Variants in CELF2 observed in about 807,000 individuals in gnomAD.
CELF2 encodes the protein CUG triplet repeat RNA-binding protein 2.
CELF2 carries 8 observed loss-of-function variants against 62.6 expected under a neutral mutation model. The observed-to-expected ratio is 0.13, with a 90% confidence interval of 0.07 to 0.23. The LOEUF is 0.23. Ranked by LOEUF, CELF2 falls within the 10% of genes least tolerant of loss-of-function variation. The pLI is 1.00. For synonymous variants in CELF2, 258 were observed against 250.0 expected (o/e 1.03, Z -0.30); for missense variants, 333 against 671.0 (o/e 0.50, Z 5.56).
intron 8 of CELF2, among the ~76,000 whole-genome samples, chr10:11,276,119 A>G (rs2085994973): frequency 6.6e-6 from 1 of 152,020 alleles, no homozygotes; most frequent in Non-Finnish European, 1.5e-5. Flanking sequence ...TCTTTTTTTA[A>G]ATATGTATCC....
At chr10:11,262,132 T>G (rs2080838699) in intron 5 of CELF2, among the ~76,000 whole-genome samples, 1 of 152,200 alleles carries the variant, frequency 6.6e-6, no homozygotes, top group Non-Finnish European at 1.5e-5. Context: ...TTTATGGTGT[T>G]CCAACATTCC....
At position 11,051,480 on chromosome 10, in the gene CELF2, C is replaced by A. The variant is rs910152950; in HGVS notation, c.74+33317C>A. On this transcript the variant is annotated intron_variant, in intron 1 of 12. Transcript: ENST00000633077. ...GGCTTACATAAACTGTACCAACAAC[C>A]TAAACAGCCCATGTTTATAAAACTC... Among the ~76,000 whole-genome samples the A allele has an allele frequency of 6.6e-5, 10 of 152,316 alleles. No individual in the cohort carries two copies. In the East Asian group the frequency reaches 1.5e-3, roughly 24 times the overall value.
At position 11,224,101 on chromosome 10, in the gene CELF2, C is replaced by A. The variant is rs370916483; in HGVS notation, c.354+6594C>A. 1.3e-5 allele frequency among the ~76,000 whole-genome samples: 2 copies of A among 152,184 alleles called. No individual in the cohort carries two copies. The highest frequency in any genetic ancestry group is 2.9e-5 in the Non-Finnish European group (2 of 68,036). ...GTACGAGAGAAAATGTATGAGGATTCTTCAGTGGTGCAAAGTTGAAAATGC... is the reference window on the plus strand; with the variant it reads ...GTACGAGAGAAAATGTATGAGGATTATTCAGTGGTGCAAAGTTGAAAATGC... On this transcript the variant is annotated intron_variant, in intron 3 of 12. Coordinates refer to ENST00000633077, the MANE Select transcript of CELF2 (RefSeq NM_001326342.2). This position sits in a 1 kb window ranked among gnomAD's most constrained non-coding sequence, Gnocchi z 4.5.
rs76546369 is a variant in CELF2, at chr10:11,270,257, C to T, written c.619-409C>T. On this transcript the variant is annotated intron_variant, in intron 6 of 12. Transcript: ENST00000633077. This position sits in a 1 kb window ranked among gnomAD's most constrained non-coding sequence, Gnocchi z 5.8. Reference sequence around the variant, plus strand: ...TCCCGTTACAGATTCTCCCCTTTGTCCTCTGTCCACCTGTGGACACGGGCA... The same window carrying T: ...TCCCGTTACAGATTCTCCCCTTTGTTCTCTGTCCACCTGTGGACACGGGCA... 1.2e-3 allele frequency among the ~76,000 whole-genome samples: 178 copies of T among 152,324 alleles called. 3 individuals are homozygous for T. The East Asian group carries it at 0.031, about 26-fold the overall frequency.
intron 8 of CELF2, among the ~76,000 whole-genome samples, chr10:11,286,499 T>C (rs1459020690): frequency 2.0e-5 from 3 of 152,246 alleles, no homozygotes; most frequent in Admixed American, 2.0e-4. Context: ...ACAGCCTTGG[T>C]GCTCCCTCAC....
At chr10:10,862,076 T>C (rs377698741) in intron 1 of CELF2, among the ~76,000 whole-genome samples, 45 of 152,284 alleles carry the variant, frequency 3.0e-4, no homozygotes, top group African/African-American at 9.4e-4. Flanking sequence ...TAAACTTCTT[T>C]AGAAATATTA....
chr10:10,707,707 C>T, the CELF2 span, among the ~76,000 whole-genome samples: 1 of 152,320 alleles, frequency 6.6e-6, no homozygotes, highest in African/African-American at 2.4e-5. Context: ...CATTGGGTGG[C>T]AGGGCTGAAC....
At chr10:10,898,142 T>C (rs761777673) in intron 1 of CELF2, among the ~76,000 whole-genome samples, 1 of 152,216 alleles carries the variant, frequency 6.6e-6, no homozygotes, top group Non-Finnish European at 1.5e-5. Context: ...GAAAGTCTAC[T>C]GTATGCCTGA....
In CELF2 at chr10:11,217,154, C is replaced by T. The variant is rs962393039; in HGVS notation, c.272-271C>T. ...TCACATCTCACCCATTCCTCCACCA[C>T]CTCCCACCCTCATTCTTGAATAGCT... On this transcript the variant is annotated intron_variant, in intron 2 of 12. Coordinates refer to ENST00000633077, the MANE Select transcript of CELF2 (RefSeq NM_001326342.2). This position sits in a 1 kb window ranked among gnomAD's most constrained non-coding sequence, Gnocchi z 5.6. 1.3e-5 allele frequency among the ~76,000 whole-genome samples: 2 copies of T among 152,228 alleles called. No individual in the cohort carries two copies. The highest frequency in any genetic ancestry group is 2.9e-5 in the Non-Finnish European group (2 of 68,034).
chr10:10,666,174 G>T, the CELF2 span, among the ~76,000 whole-genome samples: 3 of 152,066 alleles, frequency 2.0e-5, no homozygotes, highest in Non-Finnish European at 4.4e-5. Context: ...TCCATTCATT[G>T]CTCCCCATAA....
chr10:10,494,900 C>T, the CELF2 span, among the ~76,000 whole-genome samples: 4 of 152,206 alleles, frequency 2.6e-5, no homozygotes, highest in Non-Finnish European at 4.4e-5. Flanking sequence ...ATTGGGATAC[C>T]ACTGCTTGGG....
chr10:10,569,307 C>T, the CELF2 span, among the ~76,000 whole-genome samples: 1 of 152,144 alleles, frequency 6.6e-6, no homozygotes. Context: ...CATGTCTAAA[C>T]TGGCAGGAGG....
intron 9 of CELF2, among the ~76,000 whole-genome samples, chr10:11,307,742 G>C (rs1178893932): frequency 6.6e-6 from 1 of 152,212 alleles, no homozygotes. Flanking sequence ...CCACTGAAAA[G>C]AGCTGATGAA....
intron 2 of CELF2, among the ~76,000 whole-genome samples, chr10:10,926,829 G>T (rs1167542420): frequency 2.0e-5 from 3 of 152,186 alleles, no homozygotes; most frequent in Non-Finnish European, 4.4e-5. Flanking sequence ...ATGCCAGGTA[G>T]GTGCTTTTCT....
At chr10:10,922,097 T>C (rs1014878725) in intron 2 of CELF2, among the ~76,000 whole-genome samples, 2 of 145,158 alleles carry the variant, frequency 1.4e-5, no homozygotes, top group African/African-American at 5.2e-5. Context: ...TCTTTGCTTA[T>C]AGGATCAAGA....
chr10:10,989,018 A>T (rs1310452647), intron 2 of CELF2, among the ~76,000 whole-genome samples: 1 of 152,188 alleles, frequency 6.6e-6, no homozygotes, highest in East Asian at 1.9e-4. Context: ...TACTGAAAAA[A>T]ATTTTAAGCA....
chr10:11,244,544 A>G lies in CELF2; in HGVS notation c.355-4609A>G, dbSNP rs1409706282. ...GTGGCGGGCGCCTGTAGTCCCAGCT[A>G]CTCAGGAGGCTGAGGCAGGAGAATG... On this transcript the variant is annotated intron_variant, in intron 3 of 12. Coordinates refer to ENST00000633077, the MANE Select transcript of CELF2 (RefSeq NM_001326342.2). This position sits in a 1 kb window ranked among gnomAD's most constrained non-coding sequence, Gnocchi z 4.2. Among the ~76,000 whole-genome samples the G allele has an allele frequency of 6.6e-6, 1 of 151,764 alleles. No homozygotes were observed. The highest frequency in any genetic ancestry group is 1.5e-5 in the Non-Finnish European group (1 of 67,946).
intron 1 of CELF2, among the ~76,000 whole-genome samples, chr10:11,107,384 G>C (rs536827882): frequency 6.6e-6 from 1 of 152,252 alleles, no homozygotes; most frequent in African/African-American, 2.4e-5. Context: ...TGAGCTTCTG[G>C]GAAGGAATCC....
chr10:10,536,533 T>C, the CELF2 span, among the ~76,000 whole-genome samples: 1 of 152,232 alleles, frequency 6.6e-6, no homozygotes, highest in African/African-American at 2.4e-5. Context: ...TGATGAAGTA[T>C]GTCCATTTTG....
Sources: gnomAD v4.1 joint callset for allele counts (sites outside exome capture counted in the v4.1 genomes callset) on GRCh38, gnomAD v4.1.1 for gene constraint, Gnocchi (gnomAD v3.1) non-coding constraint, MANE v1.5 for transcripts, NCBI Gene and HGNC (gene_info 2026-07-23, HGNC 2026-07-21) for gene names.